AGAP1: variants seen among roughly 807,000 people sequenced by gnomAD.
AGAP1 encodes the protein ArfGAP with GTPase domain, ankyrin repeat and PH domain 1, also known as arf-GAP with GTPase, ANK repeat and PH domain-containing protein 1.
In AGAP1, 29 loss-of-function variants were observed where a neutral mutation model predicts 105.3. That is an observed-to-expected ratio of 0.28 (90% CI 0.21 to 0.38). AGAP1 has a LOEUF of 0.38. Ranked by LOEUF, AGAP1 falls within the 10% of genes least tolerant of loss-of-function variation. The pLI, the probability that AGAP1 is intolerant of heterozygous loss-of-function variation, is 1.00. For missense variants in AGAP1, 998 were observed against 1,165.1 expected (o/e 0.86, Z 2.09); for synonymous variants, 509 against 485.9 (o/e 1.05, Z -0.63).
rs776043364 is a variant in AGAP1 at position 235,662,776 on chromosome 2, G to A, written c.164-46403G>A. 2.0e-4 allele frequency among the ~76,000 whole-genome samples: 30 copies of A among 152,322 alleles called. No individual in the cohort carries two copies. Among genetic ancestry groups the A allele is most frequent in the Non-Finnish European group, 3.2e-4 (22 of 68,030 alleles). ...GGTTTTCTGGGCTCACACCCAGCCT[G>A]TGTCCCTCATCCCCTTGCTCCGCTG... On this transcript the variant is annotated intron_variant, in intron 1 of 17. Transcript: ENST00000304032. The surrounding 1 kb of genome is among the most constrained non-coding windows in gnomAD (Gnocchi z 4.2).
intron 1 of AGAP1, among the ~76,000 whole-genome samples, chr2:235,590,392 C>T (rs1355118458): frequency 6.6e-6 from 1 of 152,036 alleles, no homozygotes; most frequent in Non-Finnish European, 1.5e-5. Context: ...TGCACAGATT[C>T]CCGGTGTCTG....
chr2:235,609,833 G>A lies in AGAP1; in HGVS notation c.164-99346G>A, dbSNP rs1039623824. On this transcript the variant is annotated intron_variant, in intron 1 of 17. Coordinates refer to ENST00000304032, the MANE Select transcript of AGAP1 (RefSeq NM_001037131.3). This position sits in a 1 kb window ranked among gnomAD's most constrained non-coding sequence, Gnocchi z 5.1. ...GGCATATTTGGCGCTTGGCAGGATT[G>A]AAGGCGCAACTCTTGGCTTCGTGTT... is the stretch of plus-strand genomic sequence containing the variant. 7.9e-5 allele frequency among the ~76,000 whole-genome samples: 12 copies of A among 152,232 alleles called. 1 individual carries two copies. The East Asian group carries it at 2.3e-3, about 29-fold the overall frequency.
chr2:235,701,828 A>G lies in AGAP1; in HGVS notation c.164-7351A>G, dbSNP rs1328773001. Among the ~76,000 whole-genome samples, 2 of 152,094 alleles carry G rather than the reference A, an allele frequency of 1.3e-5. 1 individual carries two copies. The highest frequency in any genetic ancestry group is 4.2e-4 in the South Asian group (2 of 4,818). On this transcript the variant is annotated intron_variant, in intron 1 of 17. Transcript: ENST00000304032. This position sits in a 1 kb window ranked among gnomAD's most constrained non-coding sequence, Gnocchi z 4.1. ...CGGCACAGAACTGACAGGCTGTGGC[A>G]GCCACAGCCTCCTCCGATGCTCCTC...
At chr2:235,585,187 G>A (rs150719473) in intron 1 of AGAP1, among the ~76,000 whole-genome samples, 13 of 152,160 alleles carry the variant, frequency 8.5e-5, no homozygotes, top group East Asian at 1.9e-4. Context: ...ATTACAGTTC[G>A]GAAGCTCAGA....
At position 235,663,316 on chromosome 2, in the gene AGAP1, AAAG is replaced by A. The variant is rs1948022922; in HGVS notation, c.164-45859_164-45857del. ...AAGAAGGAAACTCTGTCTCAAAAAAAAAGAAGGGGAGCGATCACGTGCATCCCT... is the reference window on the plus strand; with the variant it reads ...AAGAAGGAAACTCTGTCTCAAAAAAAAAGGGGAGCGATCACGTGCATCCCT... On this transcript the variant is annotated intron_variant, in intron 1 of 17. Coordinates refer to ENST00000304032, the MANE Select transcript of AGAP1 (RefSeq NM_001037131.3). This position sits in a 1 kb window ranked among gnomAD's most constrained non-coding sequence, Gnocchi z 5.4. Among the ~76,000 whole-genome samples, 1 of 152,166 alleles carries A rather than the reference AAAG, an allele frequency of 6.6e-6. No homozygotes were observed. The highest frequency in any genetic ancestry group is 2.1e-4 in the South Asian group (1 of 4,824).
In AGAP1 at chr2:235,879,646, G is replaced by A. The variant is rs574971336; in HGVS notation, c.1051-3699G>A. 1.8e-4 allele frequency among the ~76,000 whole-genome samples: 27 copies of A among 152,182 alleles called. No homozygotes were observed. Among genetic ancestry groups the A allele is most frequent in the African/African-American group, 6.5e-4 (27 of 41,530 alleles). On this transcript the variant is annotated intron_variant, in intron 9 of 17. Transcript: ENST00000304032. The surrounding 1 kb of genome is among the most constrained non-coding windows in gnomAD (Gnocchi z 5.0). ...TCCAGCACTTTCTAAAGACCTAAGCGAGGCATGGTGGCTCACTCCCCTGTT... is the reference window on the plus strand; with the variant it reads ...TCCAGCACTTTCTAAAGACCTAAGCAAGGCATGGTGGCTCACTCCCCTGTT...
intron 1 of AGAP1, among the ~76,000 whole-genome samples, chr2:235,589,693 A>T (rs1559271249): frequency 1.3e-5 from 2 of 150,364 alleles, no homozygotes; most frequent in South Asian, 4.2e-4. Context: ...AAAAATATAG[A>T]TAGATAGATA....
chr2:235,852,770 C>T, intron 9 of AGAP1: 1 of 1,537,798 alleles, frequency 6.5e-7, no homozygotes, highest in Non-Finnish European at 8.8e-7. Flanking sequence ...CTCCCCCTGG[C>T]CAGGGCCGAG....
intron 1 of AGAP1, among the ~76,000 whole-genome samples, chr2:235,496,327 C>T (rs1429641424): frequency 1.3e-5 from 2 of 152,126 alleles, no homozygotes; most frequent in African/African-American, 4.8e-5. Context: ...TTGTTGGTGA[C>T]TTAAGATGCT....
chr2:235,638,944 G>C (rs1446552287), intron 1 of AGAP1, among the ~76,000 whole-genome samples: 1 of 152,182 alleles, frequency 6.6e-6, no homozygotes. Context: ...TCTTCCAGTT[G>C]CGGTGACCAA....
intron 1 of AGAP1, among the ~76,000 whole-genome samples, chr2:235,661,618 T>A (rs2149340281): frequency 6.6e-6 from 1 of 152,320 alleles, no homozygotes; most frequent in East Asian, 1.9e-4. Context: ...GGGCTTCCGA[T>A]GCTCGTGCTA....
At chr2:235,825,374 A>G (rs918766183) in intron 9 of AGAP1, among the ~76,000 whole-genome samples, 5 of 152,186 alleles carry the variant, frequency 3.3e-5, no homozygotes, top group African/African-American at 9.7e-5. Context: ...AACATTTTTA[A>G]TATCTTGTTG....
intron 14 of AGAP1, among the ~76,000 whole-genome samples, chr2:236,037,680 T>C (rs2057424057): frequency 6.6e-6 from 1 of 152,240 alleles, no homozygotes; most frequent in South Asian, 2.1e-4. Flanking sequence ...AGTCCTGGGA[T>C]TACAGGCATG....
chr2:235,706,494 C>T (rs58648491), intron 1 of AGAP1, among the ~76,000 whole-genome samples: 11,594 of 152,200 alleles, frequency 0.076, 1,447 homozygotes, highest in African/African-American at 0.26. Context: ...TCCCAAATTA[C>T]AGGCCTGAGC....
intron 1 of AGAP1, among the ~76,000 whole-genome samples, chr2:235,504,239 A>G (rs1325453484): frequency 6.6e-6 from 1 of 152,218 alleles, no homozygotes; most frequent in Non-Finnish European, 1.5e-5. Flanking sequence ...ACCAGCATCC[A>G]GTTCAGTGGC....
At chr2:235,522,170 G>A (rs1035001346) in intron 1 of AGAP1, among the ~76,000 whole-genome samples, 5 of 152,162 alleles carry the variant, frequency 3.3e-5, no homozygotes, top group African/African-American at 4.8e-5. Flanking sequence ...TTCCTTAAAC[G>A]TCAGTAAACA....
chr2:236,018,595 G>A (rs1170098565), intron 13 of AGAP1, among the ~76,000 whole-genome samples: 1 of 152,224 alleles, frequency 6.6e-6, no homozygotes, highest in Non-Finnish European at 1.5e-5. Context: ...AGTACTTCCA[G>A]TACCTAAATA....
At chr2:235,836,630 C>T (rs545349990) in intron 9 of AGAP1, among the ~76,000 whole-genome samples, 154 of 152,278 alleles carry the variant, frequency 1.0e-3, no homozygotes, top group African/African-American at 3.4e-3. Flanking sequence ...GATTTCAAAC[C>T]GTGTTGATCT....
chr2:235,731,268 A>G lies in AGAP1; in HGVS notation c.311-9695A>G, dbSNP rs540245226. Among the ~76,000 whole-genome samples the G allele has an allele frequency of 2.6e-5, 4 of 152,316 alleles. No homozygotes were observed. The East Asian group carries it at 7.7e-4, about 29-fold the overall frequency. The stretch of plus-strand genomic sequence containing the variant: ...CCAGATTGTATCATTGGCTGAGTAT[A>G]CAGCAGATGCGTTCCCCTTTGTTAT... On this transcript the variant is annotated intron_variant, in intron 3 of 17. Transcript: ENST00000304032.
Sources: allele counts gnomAD v4.1 joint callset (sites outside exome capture counted in the v4.1 genomes callset), GRCh38; gene constraint gnomAD v4.1.1; non-coding constraint Gnocchi (gnomAD v3.1); transcripts MANE v1.5; gene names NCBI Gene and HGNC (gene_info 2026-07-23, HGNC 2026-07-21).